The following HPSE2 variants were observed in gnomAD, a reference collection of about 807,000 sequenced individuals.
HPSE2 encodes the protein inactive heparanase-2.
In HPSE2, 38 loss-of-function variants were observed where a neutral mutation model predicts 60.5. The ratio of observed to expected loss-of-function variants is 0.63; its 90% CI spans 0.48 to 0.82. HPSE2 has a LOEUF of 0.82. Ranked by LOEUF, HPSE2 falls within the 40% of genes least tolerant of loss-of-function variation. The pLI is 0.00. For missense variants in HPSE2, 713 were observed against 740.4 expected, an observed-to-expected ratio of 0.96 and a Z score of 0.43; for synonymous variants, 295 against 293.2, an observed-to-expected ratio of 1.01 and a Z score of -0.06.
Position 99,119,092 on chromosome 10 carries a change from A to AAAGGGAGGGAGG in HPSE2, c.610+25145_610+25146insCCTCCCTCCCTT, listed in dbSNP as rs1338935788. Among the ~76,000 whole-genome samples the AAAGGGAGGGAGG allele has an allele frequency of 7.2e-5, 3 of 41,610 alleles. No homozygotes were observed. In the East Asian group the frequency reaches 3.4e-3, roughly 47 times the overall value. 27.3% of individuals were successfully genotyped at this position (41,610 alleles called of 152,430 possible). On this transcript the variant is annotated intron_variant, in intron 3 of 11. Coordinates refer to ENST00000370552, the MANE Select transcript of HPSE2 (RefSeq NM_021828.5). ...GAAAGAAAGAAAGAGAAAGAAAGAG[A>AAAGGGAGGGAGG]GAGAGAGGGAGGGAGGGAGGGAGGG... is the stretch of plus-strand genomic sequence containing the variant.
At chr10:98,701,672 T>TA (rs1948413607) in intron 5 of HPSE2, among the ~76,000 whole-genome samples, 1 of 151,430 alleles carries the variant, frequency 6.6e-6, no homozygotes. Flanking sequence ...AAAATGAAAA[T>TA]AGTTTTAAAC....
At chr10:99,069,396 T>C (rs1383690691) in intron 3 of HPSE2, among the ~76,000 whole-genome samples, 1 of 152,046 alleles carries the variant, frequency 6.6e-6, no homozygotes, top group Non-Finnish European at 1.5e-5. Context: ...TGGAATCAAA[T>C]CATGAGAGCT....
intron 7 of HPSE2, among the ~76,000 whole-genome samples, chr10:98,635,173 G>A (rs1474553375): frequency 2.6e-5 from 4 of 152,068 alleles, no homozygotes; most frequent in Admixed American, 2.6e-4. Context: ...AATGAAGGAA[G>A]GAAGGGAAGA....
intron 3 of HPSE2, among the ~76,000 whole-genome samples, chr10:98,839,103 A>G (rs877815): frequency 0.014 from 2,066 of 152,344 alleles, 40 homozygotes; most frequent in African/African-American, 0.046. Flanking sequence ...AGCCATATAA[A>G]GAAAATTTAC....
chr10:99,246,881 G>A, the HPSE2 span, among the ~76,000 whole-genome samples: 113 of 152,074 alleles, frequency 7.4e-4, no homozygotes, highest in Non-Finnish European at 1.3e-3. Context: ...TTCTACTTTA[G>A]TAATAGCTAA....
chr10:99,247,087 A>T, the HPSE2 span, among the ~76,000 whole-genome samples: 1 of 152,222 alleles, frequency 6.6e-6, no homozygotes, highest in Non-Finnish European at 1.5e-5. Flanking sequence ...TTCTTACAAG[A>T]TTTCATGTCA....
At chr10:98,568,706 T>C (rs1589434100) in intron 9 of HPSE2, among the ~76,000 whole-genome samples, 1 of 152,150 alleles carries the variant, frequency 6.6e-6, no homozygotes. Context: ...TCAGGTTCTT[T>C]CCCCTCAACC....
intron 2 of HPSE2, among the ~76,000 whole-genome samples, chr10:99,180,785 G>A (rs1420684054): frequency 6.6e-6 from 1 of 151,038 alleles, no homozygotes; most frequent in Non-Finnish European, 1.5e-5. Flanking sequence ...AGCTACTCAG[G>A]AGGCTGAGGC....
At chr10:98,612,322 C>T (rs12260273) in intron 9 of HPSE2, among the ~76,000 whole-genome samples, 1 of 152,172 alleles carries the variant, frequency 6.6e-6, no homozygotes, top group Non-Finnish European at 1.5e-5. Context: ...AGTTTTCTTA[C>T]TACTCGTCTG....
chr10:98,612,924 C>T (rs2133970995), intron 9 of HPSE2, among the ~76,000 whole-genome samples: 1 of 152,306 alleles, frequency 6.6e-6, no homozygotes, highest in South Asian at 2.1e-4. Context: ...CAACCTCTCC[C>T]CCTTCCTCAT....
intron 11 of HPSE2, among the ~76,000 whole-genome samples, chr10:98,462,887 C>T (rs1940359230): frequency 6.6e-6 from 1 of 152,042 alleles, no homozygotes; most frequent in Non-Finnish European, 1.5e-5. Flanking sequence ...CTCCACTTGG[C>T]TGTCCACAGG....
chr10:99,055,986 T>A (rs552693225), intron 3 of HPSE2, among the ~76,000 whole-genome samples: 1 of 152,078 alleles, frequency 6.6e-6, no homozygotes, highest in African/African-American at 2.4e-5. Flanking sequence ...AGAGTTGAAA[T>A]CAGCAAACAA....
the HPSE2 span, among the ~76,000 whole-genome samples, chr10:99,301,596 A>G: frequency 1.3e-5 from 2 of 152,208 alleles, no homozygotes; most frequent in African/African-American, 2.4e-5. Flanking sequence ...CTTTATCAGC[A>G]GTGTGAAAAT....
intron 3 of HPSE2, among the ~76,000 whole-genome samples, chr10:98,869,134 T>C (rs1290049415): frequency 6.6e-6 from 1 of 152,162 alleles, no homozygotes. Context: ...TTCAACTTTC[T>C]ATATCCTTAG....
upstream of HPSE2, among the ~76,000 whole-genome samples, chr10:99,240,748 C>A (rs2133963107): frequency 6.6e-6 from 1 of 152,250 alleles, no homozygotes; most frequent in Admixed American, 6.5e-5. Context: ...ATGCCTTTTT[C>A]TCACTTTCAG....
intron 5 of HPSE2, among the ~76,000 whole-genome samples, chr10:98,712,244 A>T (rs1380397117): frequency 6.6e-6 from 1 of 151,762 alleles, no homozygotes; most frequent in Non-Finnish European, 1.5e-5. Flanking sequence ...CTCCATTATA[A>T]TGACAGTATT....
the HPSE2 span, among the ~76,000 whole-genome samples, chr10:99,279,137 A>G: frequency 1.3e-5 from 2 of 152,192 alleles, no homozygotes; most frequent in African/African-American, 4.8e-5. Context: ...GAATTTCAAC[A>G]GGGTTGCAAT....
chr10:98,571,083 A>T (rs182183317), intron 9 of HPSE2, among the ~76,000 whole-genome samples: 48 of 152,340 alleles, frequency 3.2e-4, no homozygotes, highest in African/African-American at 1.0e-3. Context: ...TATTATCTAA[A>T]CTTTGAACAG....
At chr10:98,677,484 C>A (rs781312978) in intron 6 of HPSE2, among the ~76,000 whole-genome samples, 3 of 152,164 alleles carry the variant, frequency 2.0e-5, no homozygotes, top group Non-Finnish European at 2.9e-5. Context: ...AGGAAACTCA[C>A]ATTTTATGAG....
Sources: gnomAD v4.1 joint callset for allele counts (sites outside exome capture counted in the v4.1 genomes callset) on GRCh38, gnomAD v4.1.1 for gene constraint, MANE v1.5 for transcripts, NCBI Gene and HGNC (gene_info 2026-07-23, HGNC 2026-07-21) for gene names.